The following NEXMIF variants were observed in gnomAD, a reference collection of about 807,000 sequenced individuals.
NEXMIF encodes the protein neurite extension and migration factor.
In NEXMIF, 8 loss-of-function variants were observed where a neutral mutation model predicts 62.1. The ratio of observed to expected loss-of-function variants is 0.13; its 90% CI spans 0.08 to 0.23. NEXMIF has a LOEUF of 0.23. Ranked by LOEUF, NEXMIF falls within the 10% of genes least tolerant of loss-of-function variation. The probability of loss-of-function intolerance (pLI) is 1.00; values close to 1 mark genes in which losing one functional copy is unlikely to be tolerated. For missense variants in NEXMIF, 976 were observed against 1,113.3 expected, an observed-to-expected ratio of 0.88 and a Z score of 1.75; for synonymous variants, 404 against 416.6, an observed-to-expected ratio of 0.97 and a Z score of 0.37.
At chrX:74,923,436 C>G (rs950604178) in intron 1 of NEXMIF, among the ~76,000 whole-genome samples, 1 of 112,144 alleles carries the variant, frequency 8.9e-6, no homozygotes, top group Admixed American at 9.4e-5. Flanking sequence ...ATTTGATTAG[C>G]CGGTTTCCCA....
intron 1 of NEXMIF, among the ~76,000 whole-genome samples, chrX:74,911,596 G>A (rs759001204): frequency 5.6e-4 from 63 of 111,906 alleles, no homozygotes; most frequent in Non-Finnish European, 9.0e-4. Flanking sequence ...CAACACCTTG[G>A]CTTTGGGTTA....
At chrX:74,800,751 T>C (rs947161823) in intron 1 of NEXMIF, among the ~76,000 whole-genome samples, 4 of 111,598 alleles carry the variant, frequency 3.6e-5, no homozygotes, top group African/African-American at 1.3e-4. Context: ...TTTAGTGAAG[T>C]TATTACTAAA....
At chrX:74,751,031 C>G (rs146805693) in intron 1 of NEXMIF, among the ~76,000 whole-genome samples, 1 of 111,003 alleles carries the variant, frequency 9.0e-6, no homozygotes, top group Non-Finnish European at 1.9e-5. Context: ...AGTTTGAGAC[C>G]AGCCTGGGCA....
At chrX:74,921,722 GA>G (rs11334882) in intron 1 of NEXMIF, among the ~76,000 whole-genome samples, 16,330 of 103,825 alleles carry the variant, frequency 0.16, 1,958 homozygotes, top group East Asian at 0.9. Context: ...GGAAGTAAAA[GA>G]AAAAAAAAAT....
intron 1 of NEXMIF, among the ~76,000 whole-genome samples, chrX:74,794,853 C>A (rs1019023098): frequency 2.7e-5 from 3 of 111,692 alleles, no homozygotes; most frequent in Non-Finnish European, 5.6e-5. Flanking sequence ...AGTGCGCGCA[C>A]CCACTGACCT....
At chrX:74,853,207 G>A (rs775581596) in intron 1 of NEXMIF, among the ~76,000 whole-genome samples, 3 of 109,338 alleles carry the variant, frequency 2.7e-5, no homozygotes, top group African/African-American at 6.7e-5. Flanking sequence ...AAAGTGGGTC[G>A]CCCAAAAGAG....
chrX:74,793,607 G>C (rs1244878052), intron 1 of NEXMIF, among the ~76,000 whole-genome samples: 8 of 110,200 alleles, frequency 7.3e-5, no homozygotes, highest in African/African-American at 2.6e-4. Context: ...TCACTTTCAG[G>C]TACACCAATC....
At chrX:74,870,974 C>A (rs914405676) in intron 1 of NEXMIF, among the ~76,000 whole-genome samples, 1 of 111,657 alleles carries the variant, frequency 9.0e-6, no homozygotes, top group Non-Finnish European at 1.9e-5. Context: ...TGGGTGTATA[C>A]CCAAAAGAAA....
intron 1 of NEXMIF, among the ~76,000 whole-genome samples, chrX:74,847,042 A>T (rs886529629): frequency 8.9e-6 from 1 of 112,446 alleles, no homozygotes; most frequent in Admixed American, 9.4e-5. Context: ...CAACCTGTAC[A>T]TGGTTTGGGG....
chrX:74,874,533 G>A (rs1184943916), intron 1 of NEXMIF, among the ~76,000 whole-genome samples: 3 of 106,035 alleles, frequency 2.8e-5, no homozygotes, highest in Admixed American at 1.0e-4. Flanking sequence ...TGTGAAGAAA[G>A]TCATTGGTAG....
At chrX:74,815,409 C>T (rs1400862314) in intron 1 of NEXMIF, among the ~76,000 whole-genome samples, 2 of 110,849 alleles carry the variant, frequency 1.8e-5, no homozygotes, top group African/African-American at 6.6e-5. Flanking sequence ...CTAGCAATAC[C>T]CTATGTTATT....
At chrX:74,765,754 G>A (rs1352196183) in intron 1 of NEXMIF, among the ~76,000 whole-genome samples, 2 of 108,997 alleles carry the variant, frequency 1.8e-5, no homozygotes, top group East Asian at 5.7e-4. Flanking sequence ...GACTGGGTGT[G>A]GTGGCTCATG....
In NEXMIF at chrX:74,740,489, G is replaced by C; in HGVS notation, c.4068C>G (p.Ser1356=). The C allele has an allele frequency of 1.7e-6, 2 of 1,211,461 alleles. No homozygotes were observed. Among genetic ancestry groups the C allele is most frequent in the Non-Finnish European group, 2.2e-6 (2 of 895,306 alleles). The change falls in exon 3 of 4, where the codon TCC becomes TCG. Residue 1356 remains serine (S), a synonymous_variant. Transcript: ENST00000055682. Reference sequence around the variant, plus strand: ...TTAATTTTAGACTATTGGACTCAGGGGAGTAGAATATGTTGGGATCCCCAT... The same window carrying C: ...TTAATTTTAGACTATTGGACTCAGGCGAGTAGAATATGTTGGGATCCCCAT... The part of the protein sequence containing the change: ...EHHGDPNIFY[S]PESNSLKLKT...
intron 1 of NEXMIF, among the ~76,000 whole-genome samples, chrX:74,910,762 G>T (rs991420652): frequency 4.5e-5 from 5 of 111,219 alleles, no homozygotes; most frequent in African/African-American, 1.3e-4. Flanking sequence ...AATCACGGGG[G>T]CAGTTTCCCC....
rs973641722 is a variant in NEXMIF, at chrX:74,802,328, C to T, written c.-47-56631G>A. On this transcript the variant is annotated intron_variant, in intron 1 of 3. Transcript: ENST00000055682. ...TGGTGGTCACGCGGGGTGCTTGTGT[C>T]AGTCTACCCCCAGCTCCAGGTGGCT... 2.7e-5 allele frequency among the ~76,000 whole-genome samples: 3 copies of T among 111,400 alleles called. No individual in the cohort carries two copies. In the Admixed American group the frequency reaches 2.9e-4, roughly 11 times the overall value.
chrX:74,783,007 G>A (rs2080251151), intron 1 of NEXMIF, among the ~76,000 whole-genome samples: 2 of 111,357 alleles, frequency 1.8e-5, no homozygotes, highest in South Asian at 7.5e-4. Context: ...CTATATGTAA[G>A]TTGTTGATGA....
chrX:74,748,617 T>C (rs1190720443), intron 1 of NEXMIF, among the ~76,000 whole-genome samples: 1 of 112,108 alleles, frequency 8.9e-6, no homozygotes, highest in Non-Finnish European at 1.9e-5. Flanking sequence ...AATTACACAG[T>C]GTAATGGCAT....
chrX:74,816,778 C>T (rs753054961), intron 1 of NEXMIF, among the ~76,000 whole-genome samples: 6 of 111,741 alleles, frequency 5.4e-5, no homozygotes, highest in African/African-American at 1.9e-4. Flanking sequence ...GGAAAATACC[C>T]CTATCACAAG....
intron 1 of NEXMIF, among the ~76,000 whole-genome samples, chrX:74,801,228 A>ACAT (rs1208533171): frequency 8.9e-6 from 1 of 112,107 alleles, no homozygotes; most frequent in African/African-American, 3.2e-5. Context: ...CTATTAGAAG[A>ACAT]CATCACGGTT....
Sources: allele counts gnomAD v4.1 joint callset (sites outside exome capture counted in the v4.1 genomes callset), GRCh38; gene constraint gnomAD v4.1.1; transcripts MANE v1.5; gene names NCBI Gene and HGNC (gene_info 2026-07-23, HGNC 2026-07-21).